The following EPHA5 variants were observed in gnomAD, a reference collection of about 807,000 sequenced individuals.
The protein encoded by EPHA5 is EPH receptor A5, also known as ephrin type-A receptor 5.
Under a neutral mutation model 105.0 loss-of-function variants are expected in EPHA5, and 60 were observed. The observed-to-expected ratio is 0.57, with a 90% CI of 0.46 to 0.71. EPHA5 has a LOEUF of 0.71. EPHA5 is among the 30% of genes least tolerant of loss of function. The pLI, the probability that EPHA5 is intolerant of heterozygous loss-of-function variation, is 0.00. For synonymous variants in EPHA5, 513 were observed against 449.1 expected (o/e 1.14, Z -1.80); for missense variants, 1,218 against 1,274.7 (o/e 0.96, Z 0.68).
intron 5 of EPHA5, among the ~76,000 whole-genome samples, chr4:65,481,295 C>T (rs1324271158): frequency 6.6e-6 from 1 of 152,094 alleles, no homozygotes; most frequent in Non-Finnish European, 1.5e-5. Context: ...AAGTCTTTTT[C>T]CATGAATTCC....
intron 7 of EPHA5, among the ~76,000 whole-genome samples, chr4:65,410,671 G>A (rs958713978): frequency 6.6e-6 from 1 of 152,172 alleles, no homozygotes; most frequent in Admixed American, 6.5e-5. Flanking sequence ...CTATGGTTCT[G>A]TAAAATATTA....
At chr4:65,465,985 C>A (rs1254309028) in intron 5 of EPHA5, among the ~76,000 whole-genome samples, 2 of 152,208 alleles carry the variant, frequency 1.3e-5, no homozygotes, top group Non-Finnish European at 1.5e-5. Flanking sequence ...CATTCTCACA[C>A]TTTCAAGGAC....
intron 8 of EPHA5, among the ~76,000 whole-genome samples, chr4:65,379,334 A>C (rs1719331677): frequency 6.6e-6 from 1 of 151,642 alleles, no homozygotes. Flanking sequence ...CAAGAATCTA[A>C]ACCAAGTTAC....
At chr4:65,661,769 G>T (rs1343845332) in intron 1 of EPHA5, among the ~76,000 whole-genome samples, 1 of 152,080 alleles carries the variant, frequency 6.6e-6, no homozygotes, top group Non-Finnish European at 1.5e-5. Flanking sequence ...TGCCTACTGA[G>T]TTTGCCTTTC....
intron 3 of EPHA5, among the ~76,000 whole-genome samples, chr4:65,510,783 C>CA (rs34433584): frequency 0.047 from 7,154 of 152,260 alleles, 282 homozygotes; most frequent in African/African-American, 0.1. Flanking sequence ...ACTGTTGAGG[C>CA]ACTGGCATGT....
At chr4:65,609,062 C>G (rs1015965522) in intron 2 of EPHA5, among the ~76,000 whole-genome samples, 10 of 151,746 alleles carry the variant, frequency 6.6e-5, no homozygotes, top group African/African-American at 2.4e-4. Context: ...TATTTTGGAT[C>G]AAGAAAAAAA....
intron 11 of EPHA5, among the ~76,000 whole-genome samples, chr4:65,355,663 G>A (rs1316503170): frequency 2.6e-5 from 4 of 151,464 alleles, no homozygotes; most frequent in African/African-American, 4.8e-5. Flanking sequence ...TTATACCAGC[G>A]ATAATGCTGA....
At chr4:65,649,307 T>C (rs1237967336) in intron 1 of EPHA5, among the ~76,000 whole-genome samples, 1 of 152,160 alleles carries the variant, frequency 6.6e-6, no homozygotes, top group East Asian at 1.9e-4. Flanking sequence ...TCAGATCACT[T>C]TATTACAACC....
chr4:65,533,696 AG>A (rs1301901101), intron 3 of EPHA5, among the ~76,000 whole-genome samples: 10 of 152,248 alleles, frequency 6.6e-5, no homozygotes, highest in South Asian at 2.1e-4. Flanking sequence ...GAACTTTGGG[AG>A]GCCGAGGTGG....
At chr4:65,586,232 T>C (rs1560736471) in intron 3 of EPHA5, among the ~76,000 whole-genome samples, 1 of 151,742 alleles carries the variant, frequency 6.6e-6, no homozygotes, top group Non-Finnish European at 1.5e-5. Flanking sequence ...CCATCTTTTC[T>C]ACTTCAAAAT....
chr4:65,484,876 C>G (rs1161679364), intron 5 of EPHA5, among the ~76,000 whole-genome samples: 1 of 151,952 alleles, frequency 6.6e-6, no homozygotes, highest in Admixed American at 6.6e-5. Context: ...AAATTTTACA[C>G]TATGAGTTGC....
intron 3 of EPHA5, among the ~76,000 whole-genome samples, chr4:65,591,112 G>C (rs1261722210): frequency 1.3e-5 from 2 of 151,952 alleles, no homozygotes; most frequent in African/African-American, 4.8e-5. Flanking sequence ...TTAAGGTGAT[G>C]AAACAAGATG....
intron 3 of EPHA5, among the ~76,000 whole-genome samples, chr4:65,551,248 T>TTA (rs201862252): frequency 2.7e-5 from 3 of 111,444 alleles, no homozygotes; most frequent in African/African-American, 8.7e-5. Context: ...GTGTATATAT[T>TTA]TATATATGTG....
At chr4:65,552,806 AC>A (rs1738049409) in intron 3 of EPHA5, among the ~76,000 whole-genome samples, 1 of 152,144 alleles carries the variant, frequency 6.6e-6, no homozygotes, top group Non-Finnish European at 1.5e-5. Context: ...CAAAGCCCAA[AC>A]CAATTTTATT....
At chr4:65,394,852 T>C (rs1039433894) in intron 8 of EPHA5, among the ~76,000 whole-genome samples, 1 of 152,112 alleles carries the variant, frequency 6.6e-6, no homozygotes, top group East Asian at 1.9e-4. Context: ...GATATACTTA[T>C]CATTATTATT....
chr4:65,539,148 T>A (rs1578372233), intron 3 of EPHA5, among the ~76,000 whole-genome samples: 1 of 151,554 alleles, frequency 6.6e-6, no homozygotes, highest in African/African-American at 2.4e-5. Flanking sequence ...AGAGGCATTA[T>A]AATAAAATGG....
At chr4:65,376,941 A>G (rs536814163) in intron 8 of EPHA5, 1 of 1,442,578 alleles carries the variant, frequency 6.9e-7, no homozygotes, top group East Asian at 2.4e-5. Flanking sequence ...AGGAATGCCG[A>G]CGGTAATACA....
chr4:65,503,632 G>T lies in EPHA5; in HGVS notation c.911-8089C>A, dbSNP rs185149613. Among the ~76,000 whole-genome samples, 277 of 151,652 alleles carry T rather than the reference G, an allele frequency of 1.8e-3. 2 individuals are homozygous for T. Among genetic ancestry groups the T allele is most frequent in the Non-Finnish European group, 3.0e-3 (202 of 67,744 alleles). The stretch of plus-strand genomic sequence containing the variant: ...CAAAGATAATATAATATTTATAAAT[G>T]AAACATAAAATAAATTTGGTTACAT... On this transcript the variant is annotated intron_variant, in intron 3 of 16. Transcript: ENST00000613740.
At chr4:65,575,720 C>A (rs1283360276) in intron 3 of EPHA5, among the ~76,000 whole-genome samples, 1 of 152,022 alleles carries the variant, frequency 6.6e-6, no homozygotes, top group Non-Finnish European at 1.5e-5. Flanking sequence ...ACCTGTAAAA[C>A]CAGCATTTTG....
Sources: gnomAD v4.1 joint callset for allele counts (sites outside exome capture counted in the v4.1 genomes callset) on GRCh38, gnomAD v4.1.1 for gene constraint, MANE v1.5 for transcripts, NCBI Gene and HGNC (gene_info 2026-07-23, HGNC 2026-07-21) for gene names.